Variants in KLF12 observed in about 807,000 individuals in gnomAD.
KLF12 encodes the protein Krueppel-like factor 12.
KLF12 carries 9 observed loss-of-function variants against 37.8 expected under a neutral mutation model. That is an observed-to-expected ratio of 0.24 (90% CI 0.14 to 0.42). The LOEUF (loss-of-function observed/expected upper bound fraction) is 0.42, where lower values mean the gene tolerates loss of function less well. KLF12 is among the 10% of genes least tolerant of loss of function. The probability of loss-of-function intolerance (pLI) is 1.00; values close to 1 mark genes in which losing one functional copy is unlikely to be tolerated. For synonymous variants in KLF12, 208 were observed against 202.1 expected, an observed-to-expected ratio of 1.03 and a Z score of -0.25; for missense variants, 411 against 516.0, an observed-to-expected ratio of 0.80 and a Z score of 1.97.
At chr13:74,012,811 A>C (rs933582504) in intron 1 of KLF12, among the ~76,000 whole-genome samples, 1 of 150,968 alleles carries the variant, frequency 6.6e-6, no homozygotes, top group Non-Finnish European at 1.5e-5. Flanking sequence ...GTACTTAAAA[A>C]ACAATCACAT....
intron 5 of KLF12, among the ~76,000 whole-genome samples, chr13:73,779,999 G>C (rs1190489317): frequency 1.3e-5 from 2 of 152,178 alleles, no homozygotes; most frequent in Admixed American, 6.5e-5. Context: ...ACTGGAGTTT[G>C]GAAGTTGGTT....
intron 1 of KLF12, among the ~76,000 whole-genome samples, chr13:74,008,413 G>C (rs1892470098): frequency 6.6e-6 from 1 of 152,180 alleles, no homozygotes. Context: ...CTTTACATCA[G>C]CAACAGCTTT....
At chr13:74,048,155 C>CT (rs143638478) in intron 1 of KLF12, among the ~76,000 whole-genome samples, 4,724 of 152,302 alleles carry the variant, frequency 0.031, 137 homozygotes, top group East Asian at 0.096. Context: ...TACTGGGGGA[C>CT]TTTACAGGTG....
chr13:74,101,002 T>A (rs1245083762), intron 1 of KLF12, among the ~76,000 whole-genome samples: 1 of 152,184 alleles, frequency 6.6e-6, no homozygotes. Context: ...CAAAGAAGAA[T>A]CTGAAGGCCA....
At chr13:73,738,826 A>G (rs779130242) in intron 6 of KLF12, among the ~76,000 whole-genome samples, 1 of 152,304 alleles carries the variant, frequency 6.6e-6, no homozygotes, top group South Asian at 2.1e-4. Flanking sequence ...TGAGGTTTAC[A>G]GTTAAATGCC....
chr13:74,049,518 G>A (rs1329409931), intron 1 of KLF12, among the ~76,000 whole-genome samples: 3 of 152,060 alleles, frequency 2.0e-5, no homozygotes, highest in African/African-American at 4.8e-5. Context: ...CACCAAATAA[G>A]AGGACGTCAT....
At chr13:74,266,033 C>T in the KLF12 span, among the ~76,000 whole-genome samples, 5 of 152,112 alleles carry the variant, frequency 3.3e-5, no homozygotes, top group East Asian at 1.9e-4. Flanking sequence ...CTTAATTAGG[C>T]GGTGCCTCCA....
intron 1 of KLF12, among the ~76,000 whole-genome samples, chr13:74,020,961 A>C (rs1215827135): frequency 6.6e-6 from 1 of 152,074 alleles, no homozygotes; most frequent in East Asian, 1.9e-4. Flanking sequence ...TTCTGAAAAA[A>C]GGACTGACAA....
the KLF12 span, among the ~76,000 whole-genome samples, chr13:74,139,904 A>G: frequency 2.6e-5 from 4 of 152,024 alleles, no homozygotes; most frequent in Non-Finnish European, 1.5e-5. Flanking sequence ...AGTACTCTCC[A>G]TGGAAATAAT....
intron 1 of KLF12, among the ~76,000 whole-genome samples, chr13:74,121,616 T>C (rs1038992404): frequency 6.6e-6 from 1 of 152,016 alleles, no homozygotes; most frequent in African/African-American, 2.4e-5. Context: ...TGAGATAATA[T>C]AATGCATTGC....
chr13:74,213,968 A>G, the KLF12 span, among the ~76,000 whole-genome samples: 1 of 152,108 alleles, frequency 6.6e-6, no homozygotes, highest in Non-Finnish European at 1.5e-5. Flanking sequence ...TTGTTTTAAT[A>G]TAATGTTTTT....
chr13:73,952,379 G>C (rs149119224), intron 2 of KLF12, among the ~76,000 whole-genome samples: 2 of 152,130 alleles, frequency 1.3e-5, no homozygotes, highest in East Asian at 3.9e-4. Flanking sequence ...GGAAGAGAGC[G>C]AAGGGGGAGT....
the KLF12 span, among the ~76,000 whole-genome samples, chr13:74,219,129 G>C: frequency 2.6e-5 from 4 of 152,008 alleles, no homozygotes; most frequent in African/African-American, 9.7e-5. Context: ...GCTAATTTGT[G>C]TATTTTTGTA....
At chr13:74,285,263 T>A in the KLF12 span, among the ~76,000 whole-genome samples, 1 of 152,096 alleles carries the variant, frequency 6.6e-6, no homozygotes, top group East Asian at 1.9e-4. Flanking sequence ...GAATCTTTCA[T>A]AAGTGATATT....
At chr13:74,194,007 A>G in the KLF12 span, among the ~76,000 whole-genome samples, 4 of 152,130 alleles carry the variant, frequency 2.6e-5, no homozygotes, top group Non-Finnish European at 5.9e-5. Context: ...GGGTTTGGAT[A>G]TATATTTGTT....
chr13:73,813,547 AT>A (rs1566387671), intron 4 of KLF12, among the ~76,000 whole-genome samples: 1 of 152,060 alleles, frequency 6.6e-6, no homozygotes, highest in Admixed American at 6.6e-5. Flanking sequence ...GAAATCCACA[AT>A]ATTACCAACT....
chr13:73,731,589 T>C (rs1877065980), intron 6 of KLF12, among the ~76,000 whole-genome samples: 2 of 151,062 alleles, frequency 1.3e-5, no homozygotes, highest in Admixed American at 1.3e-4. Context: ...TTAACATTCA[T>C]TAAATTCTTT....
intron 3 of KLF12, among the ~76,000 whole-genome samples, chr13:73,884,762 T>TA (rs1276673982): frequency 5.3e-5 from 8 of 152,350 alleles, no homozygotes; most frequent in African/African-American, 1.7e-4. Flanking sequence ...AATTTAAACT[T>TA]AAAGAGCCAC....
At chr13:73,984,791 G>A (rs987475934) in intron 2 of KLF12, among the ~76,000 whole-genome samples, 7 of 152,124 alleles carry the variant, frequency 4.6e-5, no homozygotes, top group Non-Finnish European at 8.8e-5. Flanking sequence ...AAAACGTTAC[G>A]GATTCCTCCA....
Sources: allele counts gnomAD v4.1 joint callset (sites outside exome capture counted in the v4.1 genomes callset), GRCh38; gene constraint gnomAD v4.1.1; transcripts MANE v1.5; gene names NCBI Gene and HGNC (gene_info 2026-07-23, HGNC 2026-07-21).